The following TENM4 variants were observed in gnomAD, a reference collection of about 807,000 sequenced individuals.
TENM4 encodes teneurin-4.
A neutral mutation model predicts 243.3 loss-of-function variants in TENM4; 82 were observed. The ratio of observed to expected loss-of-function variants is 0.34; its 90% CI spans 0.28 to 0.40. TENM4 has a LOEUF of 0.40. TENM4 is among the 10% of genes least tolerant of loss of function. TENM4 has a pLI of 1.00. For synonymous variants in TENM4, 1,412 were observed against 1,456.3 expected (o/e 0.97, Z 0.69); for missense variants, 3,138 against 3,673.3 (o/e 0.85, Z 3.77).
At chr11:78,711,220 T>TA in intron 26 of TENM4, among the ~76,000 whole-genome samples, 1 of 152,308 alleles carries the variant, frequency 6.6e-6, no homozygotes, top group African/African-American at 2.4e-5. Flanking sequence ...AGGTATGTGG[T>TA]AGAGACAATG....
intron 2 of TENM4, among the ~76,000 whole-genome samples, chr11:79,218,234 A>AACCC (rs1864091989): frequency 1.0e-5 from 1 of 96,462 alleles, no homozygotes; most frequent in Non-Finnish European, 1.9e-5. Context: ...CCCCCTGCCC[A>AACCC]CCCACCCCCG....
chr11:79,020,187 G>C (rs1858890502), intron 6 of TENM4, among the ~76,000 whole-genome samples: 2 of 152,186 alleles, frequency 1.3e-5, no homozygotes, highest in Admixed American at 6.5e-5. Context: ...TACTGATCCA[G>C]AGAAATCAAG....
chr11:79,001,590 G>T (rs575531700), intron 6 of TENM4, among the ~76,000 whole-genome samples: 1 of 152,318 alleles, frequency 6.6e-6, no homozygotes, highest in South Asian at 2.1e-4. Flanking sequence ...AGGAACATCT[G>T]CAGTAGAGCA....
intron 1 of TENM4, among the ~76,000 whole-genome samples, chr11:79,370,284 T>G (rs1221453597): frequency 6.6e-6 from 1 of 152,172 alleles, no homozygotes; most frequent in African/African-American, 2.4e-5. Flanking sequence ...GCACAGGCTG[T>G]CACCTTCTTC....
chr11:79,057,656 A>G (rs190054459), intron 6 of TENM4, among the ~76,000 whole-genome samples: 326 of 152,304 alleles, frequency 2.1e-3, no homozygotes, highest in African/African-American at 7.4e-3. Context: ...GAGAGGGGGC[A>G]GTTTTGTCTG....
intron 1 of TENM4, among the ~76,000 whole-genome samples, chr11:79,303,598 A>G (rs1856582852): frequency 1.3e-5 from 2 of 152,292 alleles, no homozygotes; most frequent in South Asian, 2.1e-4. Context: ...TTTGCCTCGT[A>G]TTATAGATAG....
intron 1 of TENM4, chr11:79,402,126 C>T: frequency 2.8e-6 from 1 of 358,174 alleles, no homozygotes. Context: ...TCACACACAG[C>T]AGTCCCTCGC....
chr11:78,920,322 A>G (rs891716626), intron 6 of TENM4, among the ~76,000 whole-genome samples: 2 of 152,228 alleles, frequency 1.3e-5, no homozygotes, highest in Non-Finnish European at 2.9e-5. Flanking sequence ...TTTAAAATAT[A>G]ATGCTCTACT....
At chr11:79,049,631 G>T (rs768316310) in intron 6 of TENM4, among the ~76,000 whole-genome samples, 5 of 152,220 alleles carry the variant, frequency 3.3e-5, no homozygotes, top group African/African-American at 7.2e-5. Flanking sequence ...GATAGGAGGG[G>T]CTATCTGTGC....
intron 12 of TENM4, among the ~76,000 whole-genome samples, chr11:78,844,557 G>T (rs142408197): frequency 6.6e-6 from 1 of 151,932 alleles, no homozygotes; most frequent in Non-Finnish European, 1.5e-5. Context: ...CAGGAGAATC[G>T]CTTGAACCAG....
At chr11:78,690,959 GA>G (rs1187124665) in intron 28 of TENM4, among the ~76,000 whole-genome samples, 2 of 152,178 alleles carry the variant, frequency 1.3e-5, no homozygotes, top group Non-Finnish European at 2.9e-5. Flanking sequence ...TACCATGCAA[GA>G]CACTGCAAAG....
At chr11:78,865,871 A>G (rs1438011263) in intron 9 of TENM4, among the ~76,000 whole-genome samples, 5 of 152,248 alleles carry the variant, frequency 3.3e-5, no homozygotes, top group Non-Finnish European at 5.9e-5. Flanking sequence ...CATCTGAGCA[A>G]TGAGTATAGA....
chr11:79,392,380 G>A (rs911136989), intron 1 of TENM4, among the ~76,000 whole-genome samples: 1 of 152,238 alleles, frequency 6.6e-6, no homozygotes, highest in African/African-American at 2.4e-5. Context: ...TACGCACGTT[G>A]TGAATTGCTG....
At chr11:79,324,793 C>T (rs936577988) in intron 1 of TENM4, among the ~76,000 whole-genome samples, 2 of 152,098 alleles carry the variant, frequency 1.3e-5, no homozygotes, top group Non-Finnish European at 2.9e-5. Flanking sequence ...CTGCTGTCCC[C>T]CGGAGGCCAT....
chr11:79,342,875 G>A (rs1402758070), intron 1 of TENM4, among the ~76,000 whole-genome samples: 1 of 152,200 alleles, frequency 6.6e-6, no homozygotes. Context: ...CGTCCCTGGC[G>A]CCCTGCAGCT....
In TENM4 at chr11:78,653,967, T is replaced by C. The variant is rs1485163485; in HGVS notation, c.*4091A>G. ...AGGTTTCTCTCTATCACCTCAGCAA[T>C]GAGTCTTTAAAATGAGTTTGCTGTT... On this transcript the variant is annotated 3_prime_UTR_variant, in exon 34 of 34. Coordinates refer to ENST00000278550, the MANE Select transcript of TENM4 (RefSeq NM_001098816.3). 1 of 152,236 alleles carries C rather than the reference T, an allele frequency of 6.6e-6. No homozygotes were observed. The highest frequency in any genetic ancestry group is 1.5e-5 in the Non-Finnish European group (1 of 68,046). The allele number at this position is 152,236 out of a possible 1,614,324, so 9.4% of individuals were successfully genotyped here. A position where few individuals can be genotyped will look rare whatever the true frequency, so the allele number is the denominator to read the frequency against.
At chr11:79,360,304 A>G (rs1857569104) in intron 1 of TENM4, among the ~76,000 whole-genome samples, 1 of 152,210 alleles carries the variant, frequency 6.6e-6, no homozygotes, top group Admixed American at 6.5e-5. Flanking sequence ...TAAGTTTCAG[A>G]ATGTTTTCCC....
At chr11:78,827,517 T>A (rs969355694) in intron 12 of TENM4, among the ~76,000 whole-genome samples, 15 of 136,328 alleles carry the variant, frequency 1.1e-4, no homozygotes, top group African/African-American at 3.7e-4. Context: ...TTGATGGAGT[T>A]TTGCTCTTGT....
At chr11:79,342,583 G>T (rs1055275203) in intron 1 of TENM4, among the ~76,000 whole-genome samples, 6 of 152,126 alleles carry the variant, frequency 3.9e-5, no homozygotes, top group African/African-American at 1.2e-4. Context: ...ATCTAGGCAG[G>T]GGTTCTCAGT....
Sources: allele counts gnomAD v4.1 joint callset (sites outside exome capture counted in the v4.1 genomes callset), GRCh38; gene constraint gnomAD v4.1.1; transcripts MANE v1.5; gene names NCBI Gene and HGNC (gene_info 2026-07-23, HGNC 2026-07-21).